Variants in GALNTL6 observed in about 807,000 individuals in gnomAD.
GALNTL6 encodes polypeptide N-acetylgalactosaminyltransferase like 6, also known as polypeptide N-acetylgalactosaminyltransferase-like 6.
A neutral mutation model predicts 73.7 loss-of-function variants in GALNTL6; 46 were observed. The observed-to-expected ratio is 0.62, with a 90% CI of 0.49 to 0.80. The LOEUF (loss-of-function observed/expected upper bound fraction) is 0.80. GALNTL6 is among the 30% of genes least tolerant of loss of function. The pLI is 0.00. For missense variants in GALNTL6, 604 were observed against 755.0 expected, an observed-to-expected ratio of 0.80 and a Z score of 2.34; for synonymous variants, 259 against 263.7, an observed-to-expected ratio of 0.98 and a Z score of 0.17.
At chr4:171,954,696 C>G (rs1389485357) in intron 2 of GALNTL6, among the ~76,000 whole-genome samples, 11 of 152,032 alleles carry the variant, frequency 7.2e-5, no homozygotes, top group Non-Finnish European at 1.6e-4. Flanking sequence ...GGATTTGGGT[C>G]CCTGCCCAAA....
intron 2 of GALNTL6, among the ~76,000 whole-genome samples, chr4:172,138,009 G>A (rs1733682828): frequency 6.6e-6 from 1 of 152,176 alleles, no homozygotes; most frequent in South Asian, 2.1e-4. Flanking sequence ...GTGTTGCCAT[G>A]AGCAGATGAG....
At chr4:171,941,022 G>A (rs1350421153) in intron 2 of GALNTL6, among the ~76,000 whole-genome samples, 1 of 151,882 alleles carries the variant, frequency 6.6e-6, no homozygotes, top group Non-Finnish European at 1.5e-5. Context: ...AAAGTCAGGA[G>A]TCAATACCAG....
chr4:173,014,921 C>T lies in GALNTL6; in HGVS notation c.1488+5627C>T, dbSNP rs182786829. 9.1e-4 allele frequency among the ~76,000 whole-genome samples: 138 copies of T among 152,230 alleles called. 1 individual carries two copies. Among genetic ancestry groups the T allele is most frequent in the African/African-American group, 2.8e-3 (118 of 41,546 alleles). ...CCAAATCTCATCTTGAATTGTAGTTCGCATAATCCCCATGTGTCATGGGAG... is the reference window on the plus strand; with the variant it reads ...CCAAATCTCATCTTGAATTGTAGTTTGCATAATCCCCATGTGTCATGGGAG... On this transcript the variant is annotated intron_variant, in intron 11 of 12. Coordinates refer to ENST00000506823, the MANE Select transcript of GALNTL6 (RefSeq NM_001034845.3).
At chr4:172,492,864 C>T (rs1733945327) in intron 5 of GALNTL6, among the ~76,000 whole-genome samples, 1 of 152,076 alleles carries the variant, frequency 6.6e-6, no homozygotes, top group Admixed American at 6.6e-5. Flanking sequence ...GTACGTTTAT[C>T]CCAGTGTCTG....
At chr4:172,455,220 C>T (rs980954943) in intron 5 of GALNTL6, among the ~76,000 whole-genome samples, 3 of 152,210 alleles carry the variant, frequency 2.0e-5, no homozygotes, top group Non-Finnish European at 2.9e-5. Flanking sequence ...ACCCGCAGAC[C>T]AGGAGGTTCC....
In GALNTL6 at chr4:172,346,402, G is replaced by T. The variant is rs144115161; in HGVS notation, c.387-2121G>T. Among the ~76,000 whole-genome samples, 149 of 152,212 alleles carry T rather than the reference G, an allele frequency of 9.8e-4. 1 individual carries two copies. The South Asian group carries it at 0.016, about 16-fold the overall frequency. On this transcript the variant is annotated intron_variant, in intron 4 of 12. Transcript: ENST00000506823. Reference sequence around the variant, plus strand: ...CATTCTGTATTTCATCTGATCAGTTGCCCATGTCCAAAACGTAAGAGTCCT... The same window carrying T: ...CATTCTGTATTTCATCTGATCAGTTTCCCATGTCCAAAACGTAAGAGTCCT...
At chr4:172,606,827 GT>G (rs1364624111) in intron 5 of GALNTL6, among the ~76,000 whole-genome samples, 1 of 151,078 alleles carries the variant, frequency 6.6e-6, no homozygotes, top group African/African-American at 2.4e-5. Flanking sequence ...AGAAGATATT[GT>G]AATTGAATTG....
chr4:172,199,775 G>C (rs1161514818), intron 2 of GALNTL6, among the ~76,000 whole-genome samples: 2 of 152,006 alleles, frequency 1.3e-5, no homozygotes, highest in Admixed American at 6.6e-5. Flanking sequence ...TTGTTTGCTT[G>C]CTTGCTTGTT....
intron 10 of GALNTL6, among the ~76,000 whole-genome samples, chr4:172,969,954 G>T (rs1256414000): frequency 6.6e-6 from 1 of 152,202 alleles, no homozygotes; most frequent in African/African-American, 2.4e-5. Flanking sequence ...ACCACAAAGA[G>T]AGGAATTTTA....
chr4:172,585,518 G>T (rs570511056), intron 5 of GALNTL6, among the ~76,000 whole-genome samples: 1 of 152,194 alleles, frequency 6.6e-6, no homozygotes, highest in South Asian at 2.1e-4. Flanking sequence ...TTGGTTTTCT[G>T]TTCCTGTATT....
At chr4:172,624,268 T>G (rs576593277) in intron 5 of GALNTL6, among the ~76,000 whole-genome samples, 82 of 152,186 alleles carry the variant, frequency 5.4e-4, no homozygotes, top group African/African-American at 1.9e-3. Flanking sequence ...TTGTTTTTGT[T>G]TTTTGTTTGT....
intron 5 of GALNTL6, among the ~76,000 whole-genome samples, chr4:172,706,117 T>G (rs985932921): frequency 1.3e-5 from 2 of 152,096 alleles, no homozygotes; most frequent in Non-Finnish European, 2.9e-5. Flanking sequence ...GATTTGCTCT[T>G]TTTAGGCTAT....
chr4:172,146,078 G>T (rs753783958), intron 2 of GALNTL6, among the ~76,000 whole-genome samples: 1 of 152,082 alleles, frequency 6.6e-6, no homozygotes, highest in Admixed American at 6.5e-5. Flanking sequence ...AAAACAAGAA[G>T]AACATCTTTC....
intron 7 of GALNTL6, among the ~76,000 whole-genome samples, chr4:172,834,629 A>T (rs1397436401): frequency 2.6e-5 from 4 of 152,234 alleles, no homozygotes; most frequent in Admixed American, 6.5e-5. Context: ...GACATCAATC[A>T]TGTCAGGGTG....
At chr4:172,200,148 T>C (rs1170243065) in intron 2 of GALNTL6, among the ~76,000 whole-genome samples, 1 of 152,200 alleles carries the variant, frequency 6.6e-6, no homozygotes, top group Non-Finnish European at 1.5e-5. Flanking sequence ...CAGTTCAATG[T>C]ATTCTAGATG....
intron 5 of GALNTL6, among the ~76,000 whole-genome samples, chr4:172,527,087 A>ACAG (rs1734985778): frequency 2.0e-5 from 3 of 152,228 alleles, no homozygotes; most frequent in Non-Finnish European, 4.4e-5. Flanking sequence ...CATACAGTAT[A>ACAG]ACCACAGATC....
At chr4:172,298,872 C>T (rs1251411751) in intron 3 of GALNTL6, among the ~76,000 whole-genome samples, 1 of 152,146 alleles carries the variant, frequency 6.6e-6, no homozygotes, top group African/African-American at 2.4e-5. Flanking sequence ...CAGGATGATG[C>T]TGGCCTCATG....
chr4:171,905,270 C>T (rs1387864133), intron 2 of GALNTL6, among the ~76,000 whole-genome samples: 1 of 151,884 alleles, frequency 6.6e-6, no homozygotes, highest in Non-Finnish European at 1.5e-5. Context: ...CAGAGACACA[C>T]ATAGGCTCAA....
chr4:172,363,866 A>G (rs888618761), intron 5 of GALNTL6, among the ~76,000 whole-genome samples: 3 of 152,150 alleles, frequency 2.0e-5, no homozygotes, highest in East Asian at 3.9e-4. Context: ...CCTTTAATTA[A>G]TTAAAGTTGT....
Sources: gnomAD v4.1 joint callset for allele counts (sites outside exome capture counted in the v4.1 genomes callset) on GRCh38, gnomAD v4.1.1 for gene constraint, MANE v1.5 for transcripts, NCBI Gene and HGNC (gene_info 2026-07-23, HGNC 2026-07-21) for gene names.